FASN: variants seen among roughly 807,000 people sequenced by gnomAD.
FASN encodes the protein fatty acid synthase.
FASN carries 50 observed loss-of-function variants against 250.0 expected under a neutral mutation model. The ratio of observed to expected loss-of-function variants is 0.20; its 90% CI spans 0.16 to 0.25. The LOEUF is 0.25. FASN is among the 10% of genes least tolerant of loss of function. The pLI is 1.00. For missense variants in FASN, 3,031 were observed against 3,498.5 expected, an observed-to-expected ratio of 0.87 and a Z score of 3.37; for synonymous variants, 1,909 against 1,584.0, an observed-to-expected ratio of 1.21 and a Z score of -4.87.
In FASN at chr17:82,080,567, T is replaced by C; in HGVS notation, c.6850A>G (p.Ser2284Gly). 6.4e-7 allele frequency: 1 copy of C among 1,557,978 alleles called. No individual in the cohort carries two copies. The highest frequency in any genetic ancestry group is 1.2e-5 in the South Asian group (1 of 84,890). The change falls in exon 40 of 43, where the codon AGC (serine) becomes GGC (glycine). Residue 2284 changes from serine (S) to glycine (G), a missense_variant. Ser to Gly is a moderately conservative substitution (Grantham distance 56). Coordinates refer to ENST00000306749, the MANE Select transcript of FASN (RefSeq NM_004104.5). ...TRAAPLDSIH[S>G]LAAYYIDCIR... ...CAGTCGATGTAGTAGGCAGCCAGGC[T>C]GTGGATGCTGTCAAGGGGCGCAGCT...
In FASN at chr17:82,081,334, G is replaced by A; in HGVS notation, c.6425C>T (p.Ala2142Val). The A allele has an allele frequency of 1.3e-6, 2 of 1,558,642 alleles. No homozygotes were observed. The highest frequency in any genetic ancestry group is 1.7e-6 in the Non-Finnish European group (2 of 1,151,906). Residue 2142 changes from alanine (A) to valine (V), a missense_variant, in exon 38 of 43, where the codon GCT becomes GTT. Physicochemically the swap from Ala to Val is moderately conservative, Grantham distance 64. Coordinates refer to ENST00000306749, the MANE Select transcript of FASN (RefSeq NM_004104.5). ...AHILGIRDLAAVNLDSSLADL... is the reference protein window; with the variant it reads ...AHILGIRDLAVVNLDSSLADL... ...CGCCAGTGAGCTGTCCAGGTTGACA[G>A]CAGCCAAGTCGCGGATGCCTGGAAG...
chr17:82,090,920 C>G lies in FASN; in HGVS notation c.1642G>C (p.Asp548His). ...AGGCTCACAAACGAATGGACGATGT[C>G]ATCAAAGGTGCTCTCGTCTGTGCTC... is the stretch of plus-strand genomic sequence containing the variant. ...LLSTDESTFD[D>H]IVHSFVSLTA... The change falls in exon 10 of 43, where the codon GAC (aspartate) becomes CAC (histidine). Residue 548 changes from aspartate (D) to histidine (H), a missense_variant. Coordinates refer to ENST00000306749, the MANE Select transcript of FASN (RefSeq NM_004104.5). 6.2e-7 allele frequency: 1 copy of G among 1,609,722 alleles called. No individual in the cohort carries two copies. The highest frequency in any genetic ancestry group is 1.1e-5 in the South Asian group (1 of 90,468).
In FASN at chr17:82,088,447, C is replaced by T. The variant is rs1483230017; in HGVS notation, c.2536G>A (p.Ala846Thr). Residue 846 changes from alanine to threonine, a missense_variant, in exon 16 of 43, where the codon GCC becomes ACC. Physicochemically the swap from Ala to Thr is moderately conservative, Grantham distance 58. Coordinates refer to ENST00000306749, the MANE Select transcript of FASN (RefSeq NM_004104.5). The stretch of plus-strand genomic sequence containing the variant: ...GAACCGTTGGGGAAGTCCTCGGCGG[C>T]CGGCACGTCCCAGGCCAGGCTGTGG... ...WDHSLAWDVP[A>T]AEDFPNGSGS... The T allele has an allele frequency of 3.1e-6, 5 of 1,611,690 alleles. No homozygotes were observed. In the East Asian group the frequency reaches 8.9e-5, roughly 29 times the overall value.
Position 82,086,553 on chromosome 17 carries a change from C to T in FASN, c.3433G>A (p.Val1145Met), listed in dbSNP as rs759165866. ...GTCACCTTGGTCTGCAGTGCCTGCA[C>T]CAGCCCTGGGGAGGGAGGGAGGCAG... ...QEELQLCKGL[V>M]QALQTKVTQQ... Residue 1145 changes from valine to methionine, a missense_variant, in exon 22 of 43, where the codon GTG becomes ATG. Physicochemically the swap from Val to Met is conservative, Grantham distance 21. Coordinates refer to ENST00000306749, the MANE Select transcript of FASN (RefSeq NM_004104.5). 1 of 1,610,374 alleles carries T rather than the reference C, an allele frequency of 6.2e-7. No individual in the cohort carries two copies. Among genetic ancestry groups the T allele is most frequent in the East Asian group, 2.2e-5 (1 of 44,884 alleles).
rs1183762897 is a variant in FASN at position 82,080,517 on chromosome 17, G to A, written c.6900C>T (p.Gly2300=). The A allele has an allele frequency of 1.3e-6, 2 of 1,562,406 alleles. No individual in the cohort carries two copies. The highest frequency in any genetic ancestry group is 2.7e-5 in the African/African-American group (2 of 73,734). ...IDCIRQVQPE[G]PYRVAGYSYG... The stretch of plus-strand genomic sequence containing the variant: ...AGGAGTAGCCGGCCACGCGGTAGGG[G>A]CCCTCGGGCTGCACCTGCCTGATGC... The change falls in exon 40 of 43, where the codon GGC becomes GGT. Residue 2300 remains glycine, a synonymous_variant. Coordinates refer to ENST00000306749, the MANE Select transcript of FASN (RefSeq NM_004104.5).
Position 82,080,686 on chromosome 17 carries a change from G to A in FASN, c.6826+6C>T. 1 of 1,579,718 alleles carries A rather than the reference G, an allele frequency of 6.3e-7. No individual in the cohort carries two copies. The highest frequency in any genetic ancestry group is 8.6e-7 in the Non-Finnish European group (1 of 1,163,714). On this transcript the variant is annotated splice_donor_region_variant and intron_variant, in intron 39 of 42. Coordinates refer to ENST00000306749, the MANE Select transcript of FASN (RefSeq NM_004104.5). The stretch of plus-strand genomic sequence containing the variant: ...CCACCGCTTCCAGAGGAGGGCCCGG[G>A]AGTACCTCGGGTGCACTGCAGGCCA...
Position 82,090,970 on chromosome 17 carries a change from C to T in FASN, c.1592G>A (p.Gly531Asp), listed in dbSNP as rs759756841. 6.2e-7 allele frequency: 1 copy of T among 1,612,920 alleles called. No individual in the cohort carries two copies. Among genetic ancestry groups the T allele is most frequent in the East Asian group, 2.2e-5 (1 of 44,886 alleles). Residue 531 changes from glycine to aspartate, a missense_variant, in exon 10 of 43, where the codon GGC (glycine) becomes GAC (aspartate). Physicochemically the swap from Gly to Asp is moderately conservative, Grantham distance 94. Coordinates refer to ENST00000306749, the MANE Select transcript of FASN (RefSeq NM_004104.5). ...CAGCAGCAGCTGTGACACCTTCAGGCCGAATGGCTTCACAGCCTCATCGGA... is the reference window on the plus strand; with the variant it reads ...CAGCAGCAGCTGTGACACCTTCAGGTCGAATGGCTTCACAGCCTCATCGGA... ...LRSDEAVKPF[G>D]LKVSQLLLST...
At position 82,092,693 on chromosome 17, in the gene FASN, T is replaced by A; in HGVS notation, c.894+4A>T. 3.1e-5 allele frequency: 44 copies of A among 1,412,680 alleles called. No individual in the cohort carries two copies. Among genetic ancestry groups the A allele is most frequent in the Non-Finnish European group, 3.9e-5 (40 of 1,017,640 alleles). 87.5% of individuals were successfully genotyped at this position (1,412,680 alleles called of 1,614,324 possible). On this transcript the variant is annotated splice_donor_region_variant and intron_variant, in intron 7 of 42. Coordinates refer to ENST00000306749, the MANE Select transcript of FASN (RefSeq NM_004104.5). ...GTGAGTGGGGCGGGGGGGGGGGGCA[T>A]CACCTTGGTGCCTGTGCCGTGGGCT...
Position 82,086,955 on chromosome 17 carries a change from G to T in FASN, c.3427+95C>A. On this transcript the variant is annotated intron_variant, in intron 21 of 42. Coordinates refer to ENST00000306749, the MANE Select transcript of FASN (RefSeq NM_004104.5). ...GGCTAGGGTTGCTGACCCCAAAGGG[G>T]GCCCCGTGGAGAAGCAAGTCTGGGG... 4 of 1,443,332 alleles carry T rather than the reference G, an allele frequency of 2.8e-6. No homozygotes were observed. The Admixed American group carries it at 7.6e-5, about 27-fold the overall frequency. The allele number at this position is 1,443,332 out of a possible 1,614,324, so 89.4% of individuals were successfully genotyped here.
rs149933063 is a variant in FASN, at chr17:82,087,695, G to A, written c.3033C>T (p.Ala1011=). Reference sequence around the variant, plus strand: ...GTAGTCAGTACCCACCTTCCAGGCTGGCCTCCAGGATGCCCTGGAAATGAG... The same window carrying A: ...GTAGTCAGTACCCACCTTCCAGGCTAGCCTCCAGGATGCCCTGGAAATGAG... The part of the protein sequence containing the change: ...YGPHFQGILE[A]SLEGDSGRLL... The change falls in exon 19 of 43, where the codon GCC becomes GCT. Residue 1011 remains alanine (A), a synonymous_variant. Transcript: ENST00000306749. 259 of 1,611,612 alleles carry A rather than the reference G, an allele frequency of 1.6e-4. No individual in the cohort carries two copies. Among genetic ancestry groups the A allele is most frequent in the Non-Finnish European group, 2.1e-4 (242 of 1,179,994 alleles).
rs139067113 is a variant in FASN at position 82,087,452 on chromosome 17, G to A, written c.3096C>T (p.Thr1032=). 4.5e-5 allele frequency: 73 copies of A among 1,612,578 alleles called. No individual in the cohort carries two copies. In the African/African-American group the frequency reaches 8.8e-4, roughly 19 times the overall value. ...AGCCCAGGATGGACATCTGCAGCAT[G>A]GTGTCCATGAAGCTCACCCAGTTAT... ...WKDNWVSFMD[T]MLQMSILGSA... Residue 1032 remains threonine (T), a synonymous_variant, in exon 20 of 43, where the codon ACC becomes ACT. Transcript: ENST00000306749.
chr17:82,085,774 G>C lies in FASN; in HGVS notation c.3830C>G (p.Pro1277Arg), dbSNP rs763270424. 1.2e-5 allele frequency: 19 copies of C among 1,564,366 alleles called. No individual in the cohort carries two copies. Among genetic ancestry groups the C allele is most frequent in the Non-Finnish European group, 1.6e-5 (18 of 1,154,994 alleles). ...GGCCTGGGCAGCCTCCAGGGCCTGG[G>C]GGTGGCGGTCGGTGGCCGTGTAGCT... ...QLSYTATDRH[P>R]QALEAAQAEL... is the part of the protein sequence containing the mutation. The change falls in exon 23 of 43, where the codon CCC becomes CGC. Residue 1277 changes from proline (P) to arginine (R), a missense_variant. By Grantham distance (103) the Pro-to-Arg change is moderately radical (BLOSUM62 -2). Coordinates refer to ENST00000306749, the MANE Select transcript of FASN (RefSeq NM_004104.5).
At chr17:82,097,816 C>G (rs1250531742) in intron 1 of FASN, among the ~76,000 whole-genome samples, 1 of 152,096 alleles carries the variant, frequency 6.6e-6, no homozygotes, top group Non-Finnish European at 1.5e-5. Flanking sequence ...GCGGGGAGGC[C>G]GAGCCGGGGG....
rs569649790 is a variant in FASN at position 82,078,835 on chromosome 17, CAG to C, written c.*306_*307del. ...TGCAATAAATATGCAAATCCAAGCA[CAG>C]AAAGACCAAGCGCAGACCCCACGGG... On this transcript the variant is annotated 3_prime_UTR_variant, in exon 43 of 43. Coordinates refer to ENST00000306749, the MANE Select transcript of FASN (RefSeq NM_004104.5). The surrounding 1 kb of genome is among the most constrained non-coding windows in gnomAD (Gnocchi z 5.4). 2,438 of 501,436 alleles carry C rather than the reference CAG, an allele frequency of 4.9e-3. 81 individuals are homozygous for C. The South Asian group carries it at 0.049, about 10-fold the overall frequency. 31.1% of individuals were successfully genotyped at this position (501,436 alleles called of 1,614,324 possible).
chr17:82,084,118 T>G lies in FASN; in HGVS notation c.4955A>C (p.Tyr1652Ser). Residue 1652 changes from tyrosine to serine, a missense_variant, in exon 29 of 43, where the codon TAC becomes TCC. Physicochemically the swap from Tyr to Ser is moderately radical, Grantham distance 144. Transcript: ENST00000306749. ...CACCAGCGCGTAGTAGGCCGTGCTG[T>G]AGACGACAGGCACCGAGGCCGCCTC... is the stretch of plus-strand genomic sequence containing the variant. ...LEEAASVPVV[Y>S]STAYYALVVR... The G allele has an allele frequency of 6.3e-7, 1 of 1,581,486 alleles. No individual in the cohort carries two copies. Among genetic ancestry groups the G allele is most frequent in the Non-Finnish European group, 8.6e-7 (1 of 1,165,202 alleles).
rs562022806 is a variant in FASN, at chr17:82,087,941, C to A, written c.2866+13G>T. 1 of 1,612,584 alleles carries A rather than the reference C, an allele frequency of 6.2e-7. No homozygotes were observed. Among genetic ancestry groups the A allele is most frequent in the Admixed American group, 1.7e-5 (1 of 60,024 alleles). ...ACAGCCTCCGCAGCTCCCGTGCCAC[C>A]GGCCCTGCTTACCACTCACTACCAG... On this transcript the variant is annotated intron_variant, in intron 18 of 42. Coordinates refer to ENST00000306749, the MANE Select transcript of FASN (RefSeq NM_004104.5).
intron 11 of FASN, 149 bp downstream of exon 11, chr17:82,090,226 G>A (rs995889234): frequency 1.2e-5 from 9 of 752,850 alleles, no homozygotes; most frequent in Non-Finnish European, 1.7e-5. Context: ...CAGGGGACTC[G>A]CGCACGGCTG....
In FASN at chr17:82,094,192, A is replaced by G. The variant is rs1051072353; in HGVS notation, c.281-421T>C. On this transcript the variant is annotated intron_variant, in intron 3 of 42. Coordinates refer to ENST00000306749, the MANE Select transcript of FASN (RefSeq NM_004104.5). Reference sequence around the variant, plus strand: ...CTCTCCAGCGCCAAGGGCAGCCTGCACCAGAACAGGCCGTGATAAGGAACC... The same window carrying G: ...CTCTCCAGCGCCAAGGGCAGCCTGCGCCAGAACAGGCCGTGATAAGGAACC... 1.9e-4 allele frequency: 63 copies of G among 326,500 alleles called. No individual in the cohort carries two copies. The East Asian group carries it at 4.7e-3, about 24-fold the overall frequency. 20.2% of individuals were successfully genotyped at this position (326,500 alleles called of 1,614,324 possible).
intron 3 of FASN, among the ~76,000 whole-genome samples, chr17:82,094,947 G>C (rs1353355061): frequency 7.2e-6 from 1 of 139,724 alleles, no homozygotes. Context: ...GGAGGGGAGA[G>C]ACAGCAGGGC....
Sources: allele counts gnomAD v4.1 joint callset (sites outside exome capture counted in the v4.1 genomes callset), GRCh38; gene constraint gnomAD v4.1.1; non-coding constraint Gnocchi (gnomAD v3.1); transcripts MANE v1.5; gene names NCBI Gene and HGNC (gene_info 2026-07-23, HGNC 2026-07-21).